The following PAK1 variants were observed in gnomAD, a reference collection of about 807,000 sequenced individuals.
PAK1 encodes p21 (RAC1) activated kinase 1.
Under a neutral mutation model 67.4 loss-of-function variants are expected in PAK1, and 29 were observed. The ratio of observed to expected loss-of-function variants is 0.43; its 90% confidence interval spans 0.32 to 0.59. The LOEUF is 0.59. Among genes scored for constraint, PAK1 ranks in the 20% least tolerant of loss-of-function variants. The pLI is 0.07. For missense variants in PAK1, 337 were observed against 670.7 expected (o/e 0.50, Z 5.50); for synonymous variants, 223 against 237.4 (o/e 0.94, Z 0.56).
Position 77,379,438 on chromosome 11 carries a change from C to A in PAK1, c.292-50G>T, listed in dbSNP as rs932786313. 2.6e-6 allele frequency: 4 copies of A among 1,558,522 alleles called. No individual in the cohort carries two copies. The African/African-American group carries it at 4.1e-5, about 16-fold the overall frequency. ...ACAGGAAGGCACAGTCACAGGGGAG[C>A]CTGAAAGAACATCAGAGCTAACTTT... On this transcript the variant is annotated intron_variant, in intron 3 of 14. Transcript: ENST00000356341.
At chr11:77,525,200 A>T in the PAK1 span, among the ~76,000 whole-genome samples, 1 of 150,376 alleles carries the variant, frequency 6.6e-6, no homozygotes, top group Non-Finnish European at 1.5e-5. Flanking sequence ...AAAAAAAAAA[A>T]TTGCTGGGTG....
At chr11:77,470,575 T>A (rs145492194) in intron 1 of PAK1, among the ~76,000 whole-genome samples, 2 of 152,298 alleles carry the variant, frequency 1.3e-5, no homozygotes, top group African/African-American at 4.8e-5. Context: ...AAACTGGGCA[T>A]GGTATCTTAG....
Position 77,358,986 on chromosome 11 carries a change from A to C in PAK1, c.509T>G (p.Val170Gly). Reference sequence around the variant, plus strand: ...ATCCTCATCTTCTGAAACTGGTGGCACTGCAGGAGTCTCAGACACAGCCTT... The same window carrying C: ...ATCCTCATCTTCTGAAACTGGTGGCCCTGCAGGAGTCTCAGACACAGCCTT... ...NVKAVSETPAVPPVSEDEDDD... is the reference protein window; with the variant it reads ...NVKAVSETPAGPPVSEDEDDD... The change falls in exon 6 of 15, where the codon GTG becomes GGG. Residue 170 changes from valine to glycine, a missense_variant. By Grantham distance (109) the Val-to-Gly change is moderately radical. Transcript: ENST00000356341. 1 of 1,613,230 alleles carries C rather than the reference A, an allele frequency of 6.2e-7. No individual in the cohort carries two copies. Among genetic ancestry groups the C allele is most frequent in the Non-Finnish European group, 8.5e-7 (1 of 1,179,394 alleles).
chr11:77,370,629 T>C (rs1004004206), intron 5 of PAK1, among the ~76,000 whole-genome samples: 1 of 152,242 alleles, frequency 6.6e-6, no homozygotes, highest in Non-Finnish European at 1.5e-5. Flanking sequence ...CTGATCAATC[T>C]GACCTTTTCT....
chr11:77,346,433 G>A (rs1944436373), intron 9 of PAK1, among the ~76,000 whole-genome samples: 1 of 152,156 alleles, frequency 6.6e-6, no homozygotes, highest in Non-Finnish European at 1.5e-5. Flanking sequence ...TACTGACCTT[G>A]ACCAATCACA....
At chr11:77,499,980 A>T in the PAK1 span, among the ~76,000 whole-genome samples, 1 of 152,204 alleles carries the variant, frequency 6.6e-6, no homozygotes, top group Non-Finnish European at 1.5e-5. Flanking sequence ...TGGCTCTGAA[A>T]GTGGCTGGAA....
Position 77,435,442 on chromosome 11 carries a change from C to T in PAK1, c.-22+38110G>A, listed in dbSNP as rs1362215810. On this transcript the variant is annotated intron_variant, in intron 1 of 14. Transcript: ENST00000356341. Reference sequence around the variant, plus strand: ...GTGGCTGGAAGATTATGTAAGAAAACAGACATGGAAGTGCCTTGCATATAG... The same window carrying T: ...GTGGCTGGAAGATTATGTAAGAAAATAGACATGGAAGTGCCTTGCATATAG... Among the ~76,000 whole-genome samples the T allele has an allele frequency of 2.0e-5, 3 of 151,662 alleles. No homozygotes were observed. The East Asian group carries it at 5.8e-4, about 29-fold the overall frequency.
upstream of PAK1, chr11:77,474,717 G>A (rs1322930922): frequency 1.3e-5 from 2 of 152,204 alleles, no homozygotes; most frequent in East Asian, 3.9e-4. Flanking sequence ...AAATTATAAC[G>A]GAGATGTTTG....
At chr11:77,367,190 G>T (rs1012699488) in intron 5 of PAK1, among the ~76,000 whole-genome samples, 1 of 152,198 alleles carries the variant, frequency 6.6e-6, no homozygotes, top group African/African-American at 2.4e-5. Flanking sequence ...GAGCATGGGA[G>T]TTTGAATGAA....
chr11:77,345,305 G>A (rs999967089), intron 9 of PAK1, among the ~76,000 whole-genome samples: 2 of 148,604 alleles, frequency 1.3e-5, no homozygotes, highest in Non-Finnish European at 3.0e-5. Flanking sequence ...AGAGAAATCA[G>A]TAGGTTGGAA....
At chr11:77,428,035 G>A (rs926952222) in intron 1 of PAK1, among the ~76,000 whole-genome samples, 3 of 152,164 alleles carry the variant, frequency 2.0e-5, no homozygotes, top group African/African-American at 7.2e-5. Context: ...GTATACCAAG[G>A]AACTAATAAG....
intron 1 of PAK1, 61 bp from the exon 2 acceptor site, chr11:77,392,602 T>G (rs1282124045): frequency 7.3e-7 from 1 of 1,367,170 alleles, no homozygotes; most frequent in Non-Finnish European, 9.9e-7. Context: ...AGGAAATACA[T>G]GTTAAAAAAT....
chr11:77,509,447 T>C, the PAK1 span, among the ~76,000 whole-genome samples: 6 of 152,218 alleles, frequency 3.9e-5, no homozygotes, highest in African/African-American at 1.4e-4. Context: ...TACAAGAGTT[T>C]ATTAAAGCCT....
chr11:77,335,986 G>A (rs1253201684), intron 13 of PAK1, 100 bp downstream of exon 13: 3 of 663,724 alleles, frequency 4.5e-6, no homozygotes, highest in African/African-American at 3.5e-5. Context: ...CCAGAAAAGG[G>A]ATCTCCAGGT....
At chr11:77,329,549 T>C (rs1053798346) in intron 14 of PAK1, among the ~76,000 whole-genome samples, 6 of 152,138 alleles carry the variant, frequency 3.9e-5, no homozygotes, top group Admixed American at 3.9e-4. Flanking sequence ...ATTATCTCAA[T>C]AGATGCAGAA....
At chr11:77,442,500 C>G (rs1956398293) in intron 1 of PAK1, among the ~76,000 whole-genome samples, 1 of 152,144 alleles carries the variant, frequency 6.6e-6, no homozygotes, top group African/African-American at 2.4e-5. Flanking sequence ...CAGGAAGAAA[C>G]TGAGGCTGGC....
the PAK1 span, among the ~76,000 whole-genome samples, chr11:77,499,997 T>G: frequency 6.6e-6 from 1 of 152,194 alleles, no homozygotes; most frequent in African/African-American, 2.4e-5. Flanking sequence ...GGAAGACCTC[T>G]GAACACACGC....
At chr11:77,380,217 G>A (rs1949639083) in intron 2 of PAK1, among the ~76,000 whole-genome samples, 1 of 152,174 alleles carries the variant, frequency 6.6e-6, no homozygotes, top group South Asian at 2.1e-4. Context: ...GAGGTGGCCG[G>A]GCACGGTGGT....
At chr11:77,453,961 T>A (rs1159982812) in intron 1 of PAK1, among the ~76,000 whole-genome samples, 2 of 152,172 alleles carry the variant, frequency 1.3e-5, no homozygotes. Context: ...CACGTGCCTG[T>A]AGCCCCAGCT....
Sources: gnomAD v4.1 joint callset for allele counts (sites outside exome capture counted in the v4.1 genomes callset) on GRCh38, gnomAD v4.1.1 for gene constraint, MANE v1.5 for transcripts, NCBI Gene and HGNC (gene_info 2026-07-23, HGNC 2026-07-21) for gene names.